Variants in NXPE2 observed in about 807,000 individuals in gnomAD.
The protein encoded by NXPE2 is neurexophilin and PC-esterase domain family member 2.
In NXPE2, 34 loss-of-function variants were observed where a neutral mutation model predicts 34.4. The observed-to-expected ratio is 0.99, with a 90% CI of 0.75 to 1.31. The LOEUF (loss-of-function observed/expected upper bound fraction) is 1.31. NXPE2 is among the 40% of genes most tolerant of loss of function. NXPE2 has a pLI of 0.00. For synonymous variants in NXPE2, 235 were observed against 231.3 expected (o/e 1.02, Z -0.15); for missense variants, 649 against 672.5 (o/e 0.97, Z 0.39).
At chr11:114,767,240 A>G in the NXPE2 span, among the ~76,000 whole-genome samples, 5 of 152,234 alleles carry the variant, frequency 3.3e-5, no homozygotes, top group Non-Finnish European at 5.9e-5. Context: ...TAGTGCTTTC[A>G]TTTACATTAG....
the NXPE2 span, among the ~76,000 whole-genome samples, chr11:114,610,582 T>G: frequency 9.4e-6 from 1 of 106,790 alleles, no homozygotes; most frequent in East Asian, 2.0e-4. Context: ...CGGTGGATAA[T>G]AGGTATTGCC....
chr11:114,734,020 A>C, the NXPE2 span, among the ~76,000 whole-genome samples: 1 of 152,226 alleles, frequency 6.6e-6, no homozygotes, highest in African/African-American at 2.4e-5. Flanking sequence ...AAATGGCAGC[A>C]GGAATTTGTA....
At chr11:114,590,305 C>A in the NXPE2 span, among the ~76,000 whole-genome samples, 1 of 152,146 alleles carries the variant, frequency 6.6e-6, no homozygotes. Context: ...CTTTGCAAAA[C>A]CTTGGTAAAG....
the NXPE2 span, among the ~76,000 whole-genome samples, chr11:114,787,743 C>T: frequency 6.6e-6 from 1 of 152,142 alleles, no homozygotes; most frequent in African/African-American, 2.4e-5. Flanking sequence ...CCCTCTGAAT[C>T]CTAGTCTTTA....
chr11:114,685,771 T>C (rs1327985401), intron 2 of NXPE2, among the ~76,000 whole-genome samples: 2 of 152,214 alleles, frequency 1.3e-5, no homozygotes, highest in African/African-American at 4.8e-5. Context: ...CTTCTATGCC[T>C]AATTTTAAGG....
the NXPE2 span, among the ~76,000 whole-genome samples, chr11:114,518,881 A>C: frequency 2.5e-4 from 37 of 149,014 alleles, no homozygotes; most frequent in African/African-American, 9.3e-4. Flanking sequence ...GAACATTTAC[A>C]TATTCATGCT....
chr11:114,484,704 T>G, the NXPE2 span, among the ~76,000 whole-genome samples: 1 of 152,256 alleles, frequency 6.6e-6, no homozygotes, highest in Non-Finnish European at 1.5e-5. Flanking sequence ...AACACTTCTC[T>G]TTCCACCTGA....
At chr11:114,605,285 T>A in the NXPE2 span, among the ~76,000 whole-genome samples, 8 of 152,072 alleles carry the variant, frequency 5.3e-5, no homozygotes, top group African/African-American at 1.7e-4. Context: ...ACCTGGTGGA[T>A]AATAAGTATT....
chr11:114,786,703 G>A, the NXPE2 span, among the ~76,000 whole-genome samples: 1 of 152,158 alleles, frequency 6.6e-6, no homozygotes, highest in Non-Finnish European at 1.5e-5. Flanking sequence ...CCATATCATT[G>A]TTTCTAGTTT....
chr11:114,580,466 A>G, the NXPE2 span: 1 of 711,522 alleles, frequency 1.4e-6, no homozygotes, highest in Middle Eastern at 4.0e-4. Flanking sequence ...AAAAAGTATT[A>G]CTGAAGTATT....
chr11:114,774,073 G>A, the NXPE2 span, among the ~76,000 whole-genome samples: 75 of 152,080 alleles, frequency 4.9e-4, 3 homozygotes, highest in Admixed American at 4.8e-3. Flanking sequence ...ACTGCTTCCC[G>A]GAAACTGATC....
chr11:114,486,646 G>A, the NXPE2 span, among the ~76,000 whole-genome samples: 2 of 152,042 alleles, frequency 1.3e-5, no homozygotes, highest in African/African-American at 4.8e-5. Flanking sequence ...AGATTTAAAT[G>A]TTTAATCCAT....
the NXPE2 span, among the ~76,000 whole-genome samples, chr11:114,597,796 A>C: frequency 6.6e-6 from 1 of 152,146 alleles, no homozygotes; most frequent in Admixed American, 6.5e-5. Context: ...GCTCCTGATG[A>C]CCAAAGTTGC....
At chr11:114,640,198 T>G in the NXPE2 span, among the ~76,000 whole-genome samples, 5 of 124,670 alleles carry the variant, frequency 4.0e-5, no homozygotes, top group East Asian at 2.3e-3. Context: ...ATAATTTATA[T>G]ATATTATATT....
At chr11:114,636,327 T>A in the NXPE2 span, among the ~76,000 whole-genome samples, 75 of 152,150 alleles carry the variant, frequency 4.9e-4, no homozygotes, top group African/African-American at 1.8e-3. Flanking sequence ...TATCATTTTT[T>A]ATTGCGTCTA....
chr11:114,771,032 T>G, the NXPE2 span, among the ~76,000 whole-genome samples: 1 of 152,162 alleles, frequency 6.6e-6, no homozygotes, highest in Non-Finnish European at 1.5e-5. Flanking sequence ...TCTGATATTG[T>G]AAGAATTAGG....
chr11:114,754,183 T>C, the NXPE2 span, among the ~76,000 whole-genome samples: 1 of 152,200 alleles, frequency 6.6e-6, no homozygotes, highest in African/African-American at 2.4e-5. Flanking sequence ...ATTCTTGTGA[T>C]GGGCAAGTGT....
the NXPE2 span, among the ~76,000 whole-genome samples, chr11:114,758,115 G>C: frequency 6.6e-6 from 1 of 152,170 alleles, no homozygotes; most frequent in African/African-American, 2.4e-5. Flanking sequence ...GGAAATATTT[G>C]TGAGCAGATT....
chr11:114,585,055 G>T, the NXPE2 span, among the ~76,000 whole-genome samples: 1 of 151,970 alleles, frequency 6.6e-6, no homozygotes, highest in Non-Finnish European at 1.5e-5. Flanking sequence ...GGGGTGTCTG[G>T]GTCTTCAAGG....
Sources: allele counts gnomAD v4.1 joint callset (sites outside exome capture counted in the v4.1 genomes callset), GRCh38; gene constraint gnomAD v4.1.1; transcripts MANE v1.5; gene names NCBI Gene and HGNC (gene_info 2026-07-23, HGNC 2026-07-21).